The following ACSS2 variants were observed in gnomAD, a reference collection of about 807,000 sequenced individuals.
ACSS2 encodes acetyl-coenzyme A synthetase, cytoplasmic.
Under a neutral mutation model 90.6 loss-of-function variants are expected in ACSS2, and 58 were observed. The observed-to-expected ratio is 0.64, with a 90% confidence interval of 0.52 to 0.80. The LOEUF is 0.80. Ranked by LOEUF, ACSS2 falls within the 30% of genes least tolerant of loss-of-function variation. The pLI, the probability that ACSS2 is intolerant of heterozygous loss-of-function variation, is 0.00. For missense variants in ACSS2, 759 were observed against 912.0 expected (o/e 0.83, Z 2.16); for synonymous variants, 300 against 330.9 (o/e 0.91, Z 1.01).
intron 2 of ACSS2, among the ~76,000 whole-genome samples, chr20:34,893,365 C>T (rs1025585815): frequency 1.3e-5 from 2 of 151,618 alleles, no homozygotes; most frequent in African/African-American, 2.4e-5. Context: ...ACACAATCAG[C>T]GAATTTTATT....
At chr20:34,891,280 C>T (rs915158089) in intron 2 of ACSS2, among the ~76,000 whole-genome samples, 1 of 152,142 alleles carries the variant, frequency 6.6e-6, no homozygotes, top group South Asian at 2.1e-4. Context: ...TGGGCCTTCT[C>T]TTTGTGGGCA....
chr20:34,903,776 C>T (rs2080729060), intron 2 of ACSS2, among the ~76,000 whole-genome samples: 1 of 151,406 alleles, frequency 6.6e-6, no homozygotes, highest in South Asian at 2.1e-4. Context: ...GTGGTGCATG[C>T]CTGTAGTCCC....
At chr20:34,926,652 A>G (rs560315852) in intron 16 of ACSS2, among the ~76,000 whole-genome samples, 53 of 152,322 alleles carry the variant, frequency 3.5e-4, no homozygotes, top group Admixed American at 6.5e-4. Flanking sequence ...GAAAGGTGGC[A>G]TTTAAACTCT....
chr20:34,891,525 A>G (rs1422132217), intron 2 of ACSS2, among the ~76,000 whole-genome samples: 3 of 152,190 alleles, frequency 2.0e-5, no homozygotes, highest in Non-Finnish European at 2.9e-5. Flanking sequence ...TGTTGACACC[A>G]TAAAGCAAGA....
intron 7 of ACSS2, 128 bp from the exon 8 acceptor site, chr20:34,919,307 G>A: frequency 7.0e-7 from 1 of 1,425,082 alleles, no homozygotes; most frequent in Admixed American, 1.9e-5. Context: ...TTCCATCCTT[G>A]AAGGGCCTTC....
Position 34,877,513 on chromosome 20 carries a change from T to C in ACSS2, c.178+690T>C, listed in dbSNP as rs972544006. Among the ~76,000 whole-genome samples the C allele has an allele frequency of 3.3e-5, 5 of 152,136 alleles. No individual in the cohort carries two copies. The South Asian group carries it at 1.0e-3, about 31-fold the overall frequency. On this transcript the variant is annotated intron_variant, in intron 1 of 17. Transcript: ENST00000360596. ...AAGTTCTGATAGATGGTTCCATGTC[T>C]GTTAAAATGTATGAGGAAAATCGGC...
In ACSS2 at chr20:34,919,532, T is replaced by G. The variant is rs2081149171; in HGVS notation, c.932T>G (p.Leu311Arg). 4 of 1,611,560 alleles carry G rather than the reference T, an allele frequency of 2.5e-6. No homozygotes were observed. The highest frequency in any genetic ancestry group is 2.2e-4 in the Middle Eastern group (1 of 4,648). Residue 311 changes from leucine (L) to arginine (R), a missense_variant, in exon 8 of 18, where the codon CTC (leucine) becomes CGC (arginine). By Grantham distance (102) the Leu-to-Arg change is moderately radical (BLOSUM62 -2). Coordinates refer to ENST00000360596, the MANE Select transcript of ACSS2 (RefSeq NM_018677.4). The stretch of plus-strand genomic sequence containing the variant: ...GAGTGGTGTGATGCCGAGGACCCAC[T>G]CTTCATCCTGTACACCAGTGGCTCC... ...EPEWCDAEDP[L>R]FILYTSGSTG...
intron 12 of ACSS2, 82 bp downstream of exon 12, chr20:34,921,682 C>T: frequency 1.9e-6 from 3 of 1,609,568 alleles, no homozygotes; most frequent in East Asian, 2.2e-5. Context: ...TAGTGGAGAA[C>T]TGGACTGACA....
intron 2 of ACSS2, among the ~76,000 whole-genome samples, chr20:34,889,259 A>T (rs2080274404): frequency 6.6e-6 from 1 of 151,770 alleles, no homozygotes; most frequent in Non-Finnish European, 1.5e-5. Context: ...AGCAGCTGGT[A>T]CTACAGGCGC....
rs374812849 is a variant in ACSS2 at position 34,913,127 on chromosome 20, A to T, written c.406A>T (p.Ile136Phe). 6 of 1,614,160 alleles carry T rather than the reference A, an allele frequency of 3.7e-6. No individual in the cohort carries two copies. The highest frequency in any genetic ancestry group is 5.1e-6 in the Non-Finnish European group (6 of 1,180,032). The change falls in exon 3 of 18, where the codon ATC (isoleucine) becomes TTC (phenylalanine). Residue 136 changes from isoleucine to phenylalanine, a missense_variant. Coordinates refer to ENST00000360596, the MANE Select transcript of ACSS2 (RefSeq NM_018677.4). ...CAATGAGCCAGGGGAGACCACTCAGATCACATACCATCAGCTTCTGGTCCA... is the reference window on the plus strand; with the variant it reads ...CAATGAGCCAGGGGAGACCACTCAGTTCACATACCATCAGCTTCTGGTCCA... The part of the protein sequence containing the change: ...EGNEPGETTQ[I>F]TYHQLLVQVC...
chr20:34,877,584 G>A (rs926975566), intron 1 of ACSS2, among the ~76,000 whole-genome samples: 1 of 151,976 alleles, frequency 6.6e-6, no homozygotes, highest in African/African-American at 2.4e-5. Flanking sequence ...TTGGGAGGCC[G>A]AGGCGGGCGG....
At chr20:34,875,518 G>A (rs568683452), upstream of ACSS2, among the ~76,000 whole-genome samples, 2 of 152,312 alleles carry the variant, frequency 1.3e-5, no homozygotes, top group Non-Finnish European at 2.9e-5. Flanking sequence ...GCAGTCAGCC[G>A]AGATTGTGCC....
At chr20:34,923,836 A>G (rs1036689932) in intron 14 of ACSS2, among the ~76,000 whole-genome samples, 6 of 47,396 alleles carry the variant, frequency 1.3e-4, no homozygotes, top group Non-Finnish European at 1.7e-4. Context: ...GGCCTTGACC[A>G]AAACACCTCC....
intron 2 of ACSS2, among the ~76,000 whole-genome samples, chr20:34,900,549 A>G (rs1186679063): frequency 6.6e-6 from 1 of 152,072 alleles, no homozygotes; most frequent in Non-Finnish European, 1.5e-5. Context: ...GTTTAGGGAG[A>G]AATTTCATAA....
Position 34,914,369 on chromosome 20 carries a change from G to A in ACSS2, c.766G>A (p.Ala256Thr), listed in dbSNP as rs761566182. ...CATTGTGGTCAAGCACCTGGGGCGG[G>A]CAGAGCTCGGCATGGGTGACTCCAC... The part of the protein sequence containing the change: ...CCIVVKHLGR[A>T]ELGMGDSTSQ... The change falls in exon 7 of 18, where the codon GCA becomes ACA. Residue 256 changes from alanine to threonine, a missense_variant. Transcript: ENST00000360596. 6.2e-7 allele frequency: 1 copy of A among 1,613,904 alleles called. No homozygotes were observed. Among genetic ancestry groups the A allele is most frequent in the Non-Finnish European group, 8.5e-7 (1 of 1,179,920 alleles).
intron 2 of ACSS2, among the ~76,000 whole-genome samples, chr20:34,902,893 T>TA (rs1425113700): frequency 2.8e-5 from 4 of 143,758 alleles, no homozygotes; most frequent in African/African-American, 7.6e-5. Flanking sequence ...ACCTGGCTAT[T>TA]TTTTTTTTTT....
At chr20:34,878,462 G>A (rs1301005670) in intron 1 of ACSS2, among the ~76,000 whole-genome samples, 1 of 152,208 alleles carries the variant, frequency 6.6e-6, no homozygotes, top group Non-Finnish European at 1.5e-5. Context: ...GAGGTCTAAA[G>A]TGTGTAATAA....
chr20:34,878,580 CA>C (rs1278153724), intron 1 of ACSS2, among the ~76,000 whole-genome samples: 1 of 152,176 alleles, frequency 6.6e-6, no homozygotes, highest in Non-Finnish European at 1.5e-5. Flanking sequence ...AGGATTCAAT[CA>C]AGTGTAAAGT....
At chr20:34,897,412 C>T (rs1382274678) in intron 2 of ACSS2, among the ~76,000 whole-genome samples, 5 of 152,222 alleles carry the variant, frequency 3.3e-5, no homozygotes, top group Admixed American at 2.0e-4. Flanking sequence ...TACTTTCTGT[C>T]TCTAAGGCTC....
Sources: allele counts gnomAD v4.1 joint callset (sites outside exome capture counted in the v4.1 genomes callset), GRCh38; gene constraint gnomAD v4.1.1; transcripts MANE v1.5; gene names NCBI Gene and HGNC (gene_info 2026-07-23, HGNC 2026-07-21).